Variants in ALK observed in about 807,000 individuals in gnomAD.
ALK encodes ALK tyrosine kinase receptor.
ALK carries 74 observed loss-of-function variants against 163.1 expected under a neutral mutation model. The observed-to-expected ratio is 0.45, with a 90% CI of 0.38 to 0.55. The LOEUF (loss-of-function observed/expected upper bound fraction) is 0.55, where lower values mean the gene tolerates loss of function less well. Among genes scored for constraint, ALK ranks in the 20% least tolerant of loss-of-function variants. ALK has a pLI of 0.00. For synonymous variants in ALK, 960 were observed against 843.2 expected (o/e 1.14, Z -2.40); for missense variants, 2,063 against 2,105.3 (o/e 0.98, Z 0.39).
At chr2:29,379,685 T>C (rs1202309212) in intron 5 of ALK, among the ~76,000 whole-genome samples, 1 of 152,118 alleles carries the variant, frequency 6.6e-6, no homozygotes, top group African/African-American at 2.4e-5. Flanking sequence ...ATGACCTATG[T>C]CACATGAAAG....
chr2:29,225,562 G>A lies in ALK; in HGVS notation c.3071C>T (p.Ser1024Leu), dbSNP rs2148176594. ...TGGCAGGTGTGGCTCCGGGGTGGGT[G>A]ACACTGGAAGACAGGTCCCACTGGG... ...LAEDGVSCIVSPTPEPHLPLS... is the reference protein window; with the variant it reads ...LAEDGVSCIVLPTPEPHLPLS... The change falls in exon 19 of 29, where the codon TCA (serine) becomes TTA (leucine). Residue 1024 changes from serine to leucine, a missense_variant. Coordinates refer to ENST00000389048, the MANE Select transcript of ALK (RefSeq NM_004304.5). 6 of 1,608,322 alleles carry A rather than the reference G, an allele frequency of 3.7e-6. No individual in the cohort carries two copies. Among genetic ancestry groups the A allele is most frequent in the Non-Finnish European group, 5.1e-6 (6 of 1,178,364 alleles).
chr2:29,278,192 G>A (rs185495354), intron 9 of ALK, among the ~76,000 whole-genome samples: 88 of 152,284 alleles, frequency 5.8e-4, no homozygotes, highest in Non-Finnish European at 1.5e-4. Flanking sequence ...GATGTCTGGA[G>A]CAGAGGAACT....
intron 4 of ALK, among the ~76,000 whole-genome samples, chr2:29,436,759 C>T (rs370206989): frequency 2.6e-5 from 4 of 152,184 alleles, no homozygotes; most frequent in Admixed American, 6.5e-5. Context: ...CTTGATACCT[C>T]GGAATTCTTT....
Position 29,920,785 on chromosome 2 carries a change from A to T in ALK, c.-126T>A. Reference sequence around the variant, plus strand: ...GCTCCTTCCACCTGATCTCCAGAGGACTGTGCGTGCGCGCAAGTCTCTTGC... The same window carrying T: ...GCTCCTTCCACCTGATCTCCAGAGGTCTGTGCGTGCGCGCAAGTCTCTTGC... On this transcript the variant is annotated 5_prime_UTR_variant, in exon 1 of 29. Coordinates refer to ENST00000389048, the MANE Select transcript of ALK (RefSeq NM_004304.5). 2 of 833,070 alleles carry T rather than the reference A, an allele frequency of 2.4e-6. No homozygotes were observed. Among genetic ancestry groups the T allele is most frequent in the Non-Finnish European group, 3.7e-6 (2 of 537,718 alleles). 51.6% of individuals were successfully genotyped at this position (833,070 alleles called of 1,614,324 possible).
At chr2:29,511,150 T>G (rs1672499775) in intron 4 of ALK, among the ~76,000 whole-genome samples, 1 of 152,216 alleles carries the variant, frequency 6.6e-6, no homozygotes, top group Admixed American at 6.5e-5. Context: ...ATAAATGGTA[T>G]CCATTTAAAG....
intron 8 of ALK, among the ~76,000 whole-genome samples, chr2:29,305,155 T>C (rs556873027): frequency 6.6e-6 from 1 of 152,360 alleles, no homozygotes; most frequent in South Asian, 2.1e-4. Context: ...GAGGCAATTC[T>C]TAATAACTTA....
chr2:29,429,801 G>GGA (rs1670230627), intron 4 of ALK, among the ~76,000 whole-genome samples: 1 of 152,042 alleles, frequency 6.6e-6, no homozygotes, highest in South Asian at 2.1e-4. Flanking sequence ...GAACCAAGTA[G>GGA]GAGATTTTCT....
chr2:29,491,455 G>A (rs1451812650), intron 4 of ALK, among the ~76,000 whole-genome samples: 2 of 152,052 alleles, frequency 1.3e-5, no homozygotes, highest in East Asian at 3.9e-4. Context: ...AACTATGTAT[G>A]AAAAGGAGAC....
chr2:29,803,439 G>T (rs548250292), intron 1 of ALK, among the ~76,000 whole-genome samples: 1 of 152,298 alleles, frequency 6.6e-6, no homozygotes, highest in South Asian at 2.1e-4. Flanking sequence ...ATAATTGGTT[G>T]TTTACGCAAG....
intron 4 of ALK, among the ~76,000 whole-genome samples, chr2:29,429,096 A>G (rs1670213306): frequency 1.3e-5 from 2 of 152,014 alleles, no homozygotes; most frequent in South Asian, 4.1e-4. Context: ...ATAGTAAGAA[A>G]TGTTCCTAAG....
In ALK at chr2:29,462,190, T is replaced by C. The variant is rs534091074; in HGVS notation, c.1154+69725A>G. 1.8e-4 allele frequency among the ~76,000 whole-genome samples: 28 copies of C among 152,326 alleles called. 1 individual carries two copies. The East Asian group carries it at 5.4e-3, about 29-fold the overall frequency. ...AAGTAGTATCTTGAAATCGAATCTA[T>C]TCTTGGTGAAGATATTGTTAACATT... On this transcript the variant is annotated intron_variant, in intron 4 of 28. Coordinates refer to ENST00000389048, the MANE Select transcript of ALK (RefSeq NM_004304.5).
intron 3 of ALK, among the ~76,000 whole-genome samples, chr2:29,631,886 C>T (rs971495227): frequency 6.6e-6 from 1 of 152,216 alleles, no homozygotes; most frequent in African/African-American, 2.4e-5. Flanking sequence ...CCATTTTCTA[C>T]CATATGACAG....
At chr2:29,783,250 A>T (rs1162561120) in intron 1 of ALK, among the ~76,000 whole-genome samples, 1 of 152,236 alleles carries the variant, frequency 6.6e-6, no homozygotes, top group East Asian at 1.9e-4. Flanking sequence ...CCTGACATTT[A>T]GCTTCGATGC....
At chr2:29,205,697 G>A (rs1157835001) in intron 26 of ALK, among the ~76,000 whole-genome samples, 2 of 151,964 alleles carry the variant, frequency 1.3e-5, no homozygotes, top group Non-Finnish European at 2.9e-5. Flanking sequence ...AAATCTCCTG[G>A]TCCTTCTCTC....
rs112914365 is a variant in ALK at position 29,246,785 on chromosome 2, A to G, written c.2204+4320T>C. On this transcript the variant is annotated intron_variant, in intron 12 of 28. Transcript: ENST00000389048. The surrounding 1 kb of genome is among the most constrained non-coding windows in gnomAD (Gnocchi z 4.3). ...CCCCTGTCCTGGCTCAGTCCTTTTG[A>G]CCATGGCCTGAGTGACAGTGACTCC... 0.049 allele frequency among the ~76,000 whole-genome samples: 7,424 copies of G among 151,726 alleles called. 235 individuals are homozygous for G. The highest frequency in any genetic ancestry group is 0.073 in the Non-Finnish European group (4,947 of 67,886).
At chr2:29,420,566 G>C (rs986427586) in intron 4 of ALK, among the ~76,000 whole-genome samples, 2 of 151,418 alleles carry the variant, frequency 1.3e-5, no homozygotes, top group East Asian at 1.9e-4. Flanking sequence ...TTCAAAGGAG[G>C]GAAAAATCCT....
intron 1 of ALK, among the ~76,000 whole-genome samples, chr2:29,842,070 C>T (rs1230803836): frequency 1.1e-4 from 17 of 151,922 alleles, no homozygotes; most frequent in African/African-American, 3.6e-4. Context: ...TCCATCCTCC[C>T]CCCTCCTTCC....
chr2:29,583,812 A>G (rs1674795484), intron 3 of ALK, among the ~76,000 whole-genome samples: 1 of 152,248 alleles, frequency 6.6e-6, no homozygotes, highest in African/African-American at 2.4e-5. Flanking sequence ...GGCAATGACC[A>G]GTCTTCAGTG....
At chr2:29,564,671 A>G (rs12988840) in intron 3 of ALK, among the ~76,000 whole-genome samples, 30,264 of 152,232 alleles carry the variant, frequency 0.2, 3,687 homozygotes, top group Non-Finnish European at 0.27. Flanking sequence ...TTGGAATAGC[A>G]TAACTCAGAG....
Sources: gnomAD v4.1 joint callset for allele counts (sites outside exome capture counted in the v4.1 genomes callset) on GRCh38, gnomAD v4.1.1 for gene constraint, Gnocchi (gnomAD v3.1) non-coding constraint, MANE v1.5 for transcripts, NCBI Gene and HGNC (gene_info 2026-07-23, HGNC 2026-07-21) for gene names.